The following AFG3L2 variants were observed in gnomAD, a reference collection of about 807,000 sequenced individuals.
AFG3L2 encodes AFG3 like matrix AAA peptidase subunit 2.
Under a neutral mutation model 94.5 loss-of-function variants are expected in AFG3L2, and 54 were observed. The observed-to-expected ratio is 0.57, with a 90% CI of 0.46 to 0.72. AFG3L2 has a LOEUF of 0.72. Among genes scored for constraint, AFG3L2 ranks in the 30% least tolerant of loss-of-function variants. The pLI is 0.00. For missense variants in AFG3L2, 754 were observed against 994.9 expected (o/e 0.76, Z 3.26); for synonymous variants, 377 against 365.5 (o/e 1.03, Z -0.36).
At chr18:12,335,525 C>T (rs748601888) in intron 16 of AFG3L2, among the ~76,000 whole-genome samples, 9 of 152,204 alleles carry the variant, frequency 5.9e-5, no homozygotes, top group Non-Finnish European at 1.2e-4. Flanking sequence ...GCAGGGACCA[C>T]AGATCCCCTG....
chr18:12,361,402 A>G (rs1908656653), intron 6 of AFG3L2, among the ~76,000 whole-genome samples: 1 of 152,056 alleles, frequency 6.6e-6, no homozygotes, highest in Non-Finnish European at 1.5e-5. Context: ...TAATTCCAAC[A>G]CTTTGGGAGG....
chr18:12,359,665 G>T (rs574645394), intron 7 of AFG3L2, among the ~76,000 whole-genome samples: 1 of 152,070 alleles, frequency 6.6e-6, no homozygotes, highest in African/African-American at 2.4e-5. Flanking sequence ...CGTGAACTGG[G>T]GTGGGGACAA....
At chr18:12,348,202 A>T in intron 13 of AFG3L2, 71 bp downstream of exon 13, 2 of 1,359,094 alleles carry the variant, frequency 1.5e-6, no homozygotes, top group Admixed American at 3.5e-5. Flanking sequence ...GTTCTTGCCC[A>T]AACAGAGAAA....
intron 16 of AFG3L2, among the ~76,000 whole-genome samples, chr18:12,329,992 C>A (rs190152910): frequency 3.3e-5 from 5 of 152,342 alleles, no homozygotes; most frequent in Middle Eastern, 6.8e-3. Context: ...CATTTCCATA[C>A]TAGACATATT....
intron 16 of AFG3L2, among the ~76,000 whole-genome samples, chr18:12,336,081 G>A (rs992808978): frequency 6.6e-6 from 1 of 152,132 alleles, no homozygotes; most frequent in Non-Finnish European, 1.5e-5. Flanking sequence ...GCTAGCTTCG[G>A]GAGGAATTTA....
chr18:12,356,633 C>G, intron 9 of AFG3L2, 61 bp downstream of exon 9: 1 of 1,612,088 alleles, frequency 6.2e-7, no homozygotes, highest in Non-Finnish European at 8.5e-7. Context: ...GCAAGTGCCT[C>G]CATCTGTGGT....
intron 1 of AFG3L2, among the ~76,000 whole-genome samples, chr18:12,372,581 G>A (rs1297622030): frequency 6.6e-6 from 1 of 152,128 alleles, no homozygotes; most frequent in African/African-American, 2.4e-5. Flanking sequence ...CGAAAAATAT[G>A]CACACAAATG....
intron 16 of AFG3L2, among the ~76,000 whole-genome samples, chr18:12,332,497 T>C (rs1163243026): frequency 2.6e-5 from 4 of 152,156 alleles, no homozygotes; most frequent in African/African-American, 9.7e-5. Context: ...ATGAAAGTTT[T>C]GTCTTTTCAG....
chr18:12,345,704 G>C (rs1470708427), intron 13 of AFG3L2, among the ~76,000 whole-genome samples: 2 of 152,144 alleles, frequency 1.3e-5, no homozygotes, highest in Non-Finnish European at 2.9e-5. Context: ...GCGGCTGCGT[G>C]GCTGCCCGCT....
rs1432314136 is a variant in AFG3L2 at position 12,329,653 on chromosome 18, T to A, written c.2306A>T (p.Asp769Val). ...CTTAAGGCCTTCTGGAAGTGAGGTG[T>A]CCTCATCCAAGCTGCCAGTGCCTTC... ...FVEGTGSLDE[D>V]TSLPEGLKDW... Residue 769 changes from aspartate (D) to valine (V), a missense_variant, in exon 17 of 17, where the codon GAC (aspartate) becomes GTC (valine). By Grantham distance (152) the Asp-to-Val change is radical. Transcript: ENST00000269143. 1.2e-6 allele frequency: 2 copies of A among 1,614,166 alleles called. No homozygotes were observed. The highest frequency in any genetic ancestry group is 1.7e-6 in the Non-Finnish European group (2 of 1,180,032).
intron 6 of AFG3L2, among the ~76,000 whole-genome samples, 173 bp downstream of exon 6, chr18:12,363,609 T>A (rs1908723211): frequency 6.6e-6 from 1 of 152,168 alleles, no homozygotes; most frequent in Non-Finnish European, 1.5e-5. Context: ...CAATAATCCA[T>A]ACACAACATT....
At chr18:12,354,122 GCCCACT>G (rs1322086701) in intron 9 of AFG3L2, among the ~76,000 whole-genome samples, 6 of 123,468 alleles carry the variant, frequency 4.9e-5, no homozygotes, top group Non-Finnish European at 9.5e-5. Flanking sequence ...CTCTCCACCT[GCCCACT>G]CCCACCCCCC....
intron 3 of AFG3L2, 47 bp downstream of exon 3, chr18:12,370,802 C>G: frequency 7.9e-7 from 1 of 1,261,968 alleles, no homozygotes; most frequent in Non-Finnish European, 1.1e-6. Context: ...CACCATTATA[C>G]ATGAGGGGAA....
At chr18:12,370,167 G>A (rs1380819899) in intron 3 of AFG3L2, among the ~76,000 whole-genome samples, 1 of 151,802 alleles carries the variant, frequency 6.6e-6, no homozygotes, top group Non-Finnish European at 1.5e-5. Context: ...TCCCTAAGGT[G>A]AGGTAATGCT....
rs754233882 is a variant in AFG3L2 at position 12,371,722 on chromosome 18, T to C, written c.115-31A>G. The C allele has an allele frequency of 3.3e-5, 53 of 1,582,614 alleles. No homozygotes were observed. The highest frequency in any genetic ancestry group is 4.3e-5 in the Non-Finnish European group (50 of 1,153,846). ...ACAAGACATAAAAATAAAACCATAG[T>C]TATATCAAGATAAAAAACTTAAAAG... On this transcript the variant is annotated intron_variant, in intron 1 of 16. Coordinates refer to ENST00000269143, the MANE Select transcript of AFG3L2 (RefSeq NM_006796.3).
chr18:12,333,364 A>AT (rs1217951958), intron 16 of AFG3L2, among the ~76,000 whole-genome samples: 2 of 130,214 alleles, frequency 1.5e-5, no homozygotes, highest in Middle Eastern at 3.8e-3. Flanking sequence ...ATATATATAT[A>AT]TTTTTTCCCC....
intron 16 of AFG3L2, 184 bp from the exon 17 acceptor site, chr18:12,329,967 C>T: frequency 1.6e-6 from 1 of 618,886 alleles, no homozygotes. Context: ...AACCAATGTC[C>T]ATCTGTAAGG....
chr18:12,344,528 G>A (rs1456602042), intron 13 of AFG3L2, among the ~76,000 whole-genome samples: 3 of 151,992 alleles, frequency 2.0e-5, no homozygotes, highest in Non-Finnish European at 4.4e-5. Flanking sequence ...TACAAAATTA[G>A]CCAGGCGTCG....
chr18:12,337,396 T>A lies in AFG3L2; in HGVS notation c.2120A>T (p.Asp707Val), dbSNP rs1907783132. The change falls in exon 16 of 17, where the codon GAT (aspartate) becomes GTT (valine). Residue 707 changes from aspartate (D) to valine (V), a missense_variant. Coordinates refer to ENST00000269143, the MANE Select transcript of AFG3L2 (RefSeq NM_006796.3). ...AAGAGCTACTGTTCTTTTATAAGCA[T>A]CATTAATAAGTATTCGTACTTCATC... ...IDDEVRILINDAYKRTVALLT... is the reference protein window; with the variant it reads ...IDDEVRILINVAYKRTVALLT... The A allele has an allele frequency of 6.2e-7, 1 of 1,614,058 alleles. No individual in the cohort carries two copies. The highest frequency in any genetic ancestry group is 8.5e-7 in the Non-Finnish European group (1 of 1,179,978).
Sources: gnomAD v4.1 joint callset for allele counts (sites outside exome capture counted in the v4.1 genomes callset) on GRCh38, gnomAD v4.1.1 for gene constraint, MANE v1.5 for transcripts, NCBI Gene and HGNC (gene_info 2026-07-23, HGNC 2026-07-21) for gene names.